Variants in MTUS1 observed in about 807,000 individuals in gnomAD.
The protein encoded by MTUS1 is microtubule-associated tumor suppressor 1.
Under a neutral mutation model 120.8 loss-of-function variants are expected in MTUS1, and 109 were observed. The observed-to-expected ratio is 0.90, with a 90% CI of 0.77 to 1.06. MTUS1 has a LOEUF of 1.06. Among genes scored for constraint, MTUS1 ranks in the 50% least tolerant of loss-of-function variants. MTUS1 has a pLI of 0.00. For synonymous variants in MTUS1, 737 were observed against 550.5 expected (o/e 1.34, Z -4.74); for missense variants, 2,210 against 1,486.3 (o/e 1.49, Z -8.01).
chr8:17,725,291 G>A (rs920377921), intron 3 of MTUS1, among the ~76,000 whole-genome samples: 1 of 152,120 alleles, frequency 6.6e-6, no homozygotes, highest in African/African-American at 2.4e-5. Context: ...TTGTTCTAGC[G>A]ATTTTGCTCA....
chr8:17,758,873 C>G (rs1181566189), intron 1 of MTUS1, among the ~76,000 whole-genome samples: 1 of 152,062 alleles, frequency 6.6e-6, no homozygotes, highest in African/African-American at 2.4e-5. Context: ...GCTCATATGT[C>G]AAAGTTATTT....
rs147933019 is a variant in MTUS1, at chr8:17,713,253, C to A, written c.2585-1G>T. Reference sequence around the variant, plus strand: ...GTAAATAAATTTTTTCTCGAAGGACCTAAGATATAAAAGAAACATGTAAAA... The same window carrying A: ...GTAAATAAATTTTTTCTCGAAGGACATAAGATATAAAAGAAACATGTAAAA... On this transcript the variant is annotated splice_acceptor_variant, in intron 5 of 14. Transcript: ENST00000693296. LOFTEE classifies it high-confidence loss of function. 153 of 1,553,938 alleles carry A rather than the reference C, an allele frequency of 9.8e-5. No homozygotes were observed. The East Asian group carries it at 3.4e-3, about 35-fold the overall frequency.
At chr8:17,758,038 C>G (rs2131361867) in intron 1 of MTUS1, 1 of 151,840 alleles carries the variant, frequency 6.6e-6, no homozygotes, top group Non-Finnish European at 1.5e-5. Context: ...TTTTCTAATC[C>G]TAGTATTCAA....
At chr8:17,794,693 G>A (rs927154699) in intron 1 of MTUS1, among the ~76,000 whole-genome samples, 6 of 152,124 alleles carry the variant, frequency 3.9e-5, no homozygotes, top group Non-Finnish European at 7.4e-5. Context: ...GATTAACAAC[G>A]AAATGATTAA....
rs183043368 is a variant in MTUS1 at position 17,791,551 on chromosome 8, T to A, written c.-155+9510A>T. Among the ~76,000 whole-genome samples the A allele has an allele frequency of 2.0e-5, 3 of 152,304 alleles. No homozygotes were observed. In the East Asian group the frequency reaches 5.8e-4, roughly 29 times the overall value. ...CAAAGAGGCAACATAATTTACAGAC[T>A]TTACCAAAGATAAAAGTATCTACAT... is the stretch of plus-strand genomic sequence containing the variant. On this transcript the variant is annotated intron_variant, in intron 1 of 14. Coordinates refer to ENST00000693296, the MANE Select transcript of MTUS1 (RefSeq NM_001363059.2).
chr8:17,711,518 C>T (rs1315452918), intron 6 of MTUS1, among the ~76,000 whole-genome samples: 1 of 152,146 alleles, frequency 6.6e-6, no homozygotes, highest in African/African-American at 2.4e-5. Flanking sequence ...GTTAGGGTCT[C>T]ACTCTGGATT....
chr8:17,651,489 A>T (rs1806978898), intron 12 of MTUS1: 1 of 151,624 alleles, frequency 6.6e-6, no homozygotes, highest in African/African-American at 2.4e-5. Context: ...CAATTTTTAA[A>T]TTTCATACAT....
At chr8:17,753,050 G>A (rs2048315665) in intron 2 of MTUS1, among the ~76,000 whole-genome samples, 1 of 152,114 alleles carries the variant, frequency 6.6e-6, no homozygotes. Flanking sequence ...CAGGCGCTAT[G>A]GAAAACATAC....
intron 8 of MTUS1, among the ~76,000 whole-genome samples, chr8:17,657,191 AC>A (rs1302141477): frequency 6.6e-6 from 1 of 152,004 alleles, no homozygotes; most frequent in Non-Finnish European, 1.5e-5. Flanking sequence ...TCACCAGAGC[AC>A]AAATATCTTA....
At position 17,755,591 on chromosome 8, in the gene MTUS1, T is replaced by C. The variant is rs2048551204; in HGVS notation, c.217A>G (p.Ser73Gly). The change falls in exon 2 of 15, where the codon AGC becomes GGC. Residue 73 changes from serine to glycine, a missense_variant. Coordinates refer to ENST00000693296, the MANE Select transcript of MTUS1 (RefSeq NM_001363059.2). ...CCAAATACTTCAACACCCTGAAGGC[T>C]TAAAGAAATATTTTCACCAGTAACT... ...AVVTGENISL[S>G]LQGVEVFGHE... 1 of 1,614,034 alleles carries C rather than the reference T, an allele frequency of 6.2e-7. No homozygotes were observed. The highest frequency in any genetic ancestry group is 1.3e-5 in the African/African-American group (1 of 74,920).
At position 17,653,234 on chromosome 8, in the gene MTUS1, T is replaced by C; in HGVS notation, c.3336A>G (p.Lys1112=). The stretch of plus-strand genomic sequence containing the variant: ...TTCTTTTTTGTTCTTCTGATTTCAA[T>C]TTTTCATTTAAAGCATCATTTTCAC... The part of the protein sequence containing the change: ...LKSENDALNE[K]LKSEEQKRRA... Residue 1112 remains lysine (K), a synonymous_variant, in exon 12 of 15, where the codon AAA becomes AAG. Transcript: ENST00000693296. The C allele has an allele frequency of 6.4e-7, 1 of 1,558,530 alleles. No individual in the cohort carries two copies. The highest frequency in any genetic ancestry group is 8.6e-7 in the Non-Finnish European group (1 of 1,156,774).
intron 1 of MTUS1, among the ~76,000 whole-genome samples, chr8:17,774,417 A>T (rs1268787050): frequency 6.6e-6 from 1 of 152,210 alleles, no homozygotes; most frequent in Non-Finnish European, 1.5e-5. Flanking sequence ...GGGGAAGAAA[A>T]TGAAAGTAAG....
At chr8:17,664,035 C>G (rs1585506613) in intron 8 of MTUS1, 2 of 152,316 alleles carry the variant, frequency 1.3e-5, no homozygotes, top group Admixed American at 1.3e-4. Context: ...TTACGGCTTG[C>G]AAGAGTCCAT....
chr8:17,782,493 T>C (rs919739537), intron 1 of MTUS1, among the ~76,000 whole-genome samples: 1 of 152,218 alleles, frequency 6.6e-6, no homozygotes, highest in African/African-American at 2.4e-5. Context: ...AAATATTTGA[T>C]TGGTTTTTCC....
In MTUS1 at chr8:17,653,350, A is replaced by T. The variant is rs977810101; in HGVS notation, c.3289-69T>A. The T allele has an allele frequency of 1.6e-5, 24 of 1,512,446 alleles. No individual in the cohort carries two copies. The African/African-American group carries it at 3.2e-4, about 20-fold the overall frequency. 93.7% of individuals were successfully genotyped at this position (1,512,446 alleles called of 1,614,324 possible). ...CCAGAAACTCAGCATACGTACACAG[A>T]AACATTAAAACCAAACAAAATCAAA... On this transcript the variant is annotated intron_variant, in intron 11 of 14. Transcript: ENST00000693296.
intron 1 of MTUS1, among the ~76,000 whole-genome samples, chr8:17,760,307 T>G (rs1393157368): frequency 6.6e-6 from 1 of 152,134 alleles, no homozygotes. Context: ...TACTTAAGGA[T>G]TGTTTTTATA....
At chr8:17,707,529 T>A (rs189369385) in intron 6 of MTUS1, among the ~76,000 whole-genome samples, 69 of 152,300 alleles carry the variant, frequency 4.5e-4, no homozygotes, top group Non-Finnish European at 1.3e-4. Flanking sequence ...TTAGAATACA[T>A]TCTATATATA....
At chr8:17,797,507 T>C (rs185530833) in intron 1 of MTUS1, among the ~76,000 whole-genome samples, 30 of 152,290 alleles carry the variant, frequency 2.0e-4, no homozygotes, top group African/African-American at 6.5e-4. Context: ...AAACCAGGTA[T>C]AAAGTCTCCC....
intron 1 of MTUS1, among the ~76,000 whole-genome samples, chr8:17,768,480 A>G (rs2049742184): frequency 6.6e-6 from 1 of 152,180 alleles, no homozygotes; most frequent in South Asian, 2.1e-4. Context: ...TTTTTAAAAG[A>G]AAATCATATA....
Sources: gnomAD v4.1 joint callset for allele counts (sites outside exome capture counted in the v4.1 genomes callset) on GRCh38, gnomAD v4.1.1 for gene constraint, MANE v1.5 for transcripts, NCBI Gene and HGNC (gene_info 2026-07-23, HGNC 2026-07-21) for gene names.